LGR6: variants seen among roughly 807,000 people sequenced by gnomAD.
The protein encoded by LGR6 is leucine rich repeat containing G protein-coupled receptor 6.
LGR6 carries 45 observed loss-of-function variants against 69.4 expected under a neutral mutation model. The observed-to-expected ratio is 0.65, with a 90% CI of 0.51 to 0.83. The LOEUF (loss-of-function observed/expected upper bound fraction) is 0.83, where lower values mean the gene tolerates loss of function less well. Ranked by LOEUF, LGR6 falls within the 40% of genes least tolerant of loss-of-function variation. LGR6 has a pLI of 0.00. For synonymous variants in LGR6, 538 were observed against 555.0 expected, an observed-to-expected ratio of 0.97 and a Z score of 0.43; for missense variants, 1,108 against 1,246.7, an observed-to-expected ratio of 0.89 and a Z score of 1.68.
chr1:202,195,226 G>A (rs1658594800), intron 1 of LGR6, among the ~76,000 whole-genome samples: 1 of 152,212 alleles, frequency 6.6e-6, no homozygotes, highest in African/African-American at 2.4e-5. Context: ...CTTCTGGCCT[G>A]AGAGAGGCTC....
intron 4 of LGR6, 72 bp from the exon 5 acceptor site, chr1:202,276,234 G>C (rs1665539816): frequency 7.6e-7 from 1 of 1,309,908 alleles, no homozygotes; most frequent in Non-Finnish European, 1.1e-6. Context: ...GGCCTGGCTG[G>C]CCCAGTCTAG....
Position 202,318,485 on chromosome 1 carries a change from G to A in LGR6, c.2182G>A (p.Ala728Thr). The change falls in exon 18 of 18, where the codon GCA becomes ACA. Residue 728 changes from alanine (A) to threonine (T), a missense_variant. By Grantham distance (58) the Ala-to-Thr change is moderately conservative (BLOSUM62 0). Coordinates refer to ENST00000367278, the MANE Select transcript of LGR6 (RefSeq NM_001017403.2). The part of the protein sequence containing the change: ...LPYAPPEGQP[A>T]ALGFTVALVM... ...CTACGCGCCACCTGAGGGTCAGCCA[G>A]CAGCCCTGGGCTTCACCGTGGCCCT... 1.2e-6 allele frequency: 2 copies of A among 1,613,804 alleles called. No individual in the cohort carries two copies. The highest frequency in any genetic ancestry group is 2.2e-5 in the East Asian group (1 of 44,876).
chr1:202,314,477 A>G (rs1187525860), intron 16 of LGR6, among the ~76,000 whole-genome samples: 2 of 152,250 alleles, frequency 1.3e-5, no homozygotes, highest in Non-Finnish European at 2.9e-5. Context: ...AGCATACATT[A>G]TTGAAACAGC....
rs1170172103 is a variant in LGR6, at chr1:202,227,905, A to G, written c.285-31A>G. ...TCACCACCTCCTTGGGTTACCTGCC[A>G]ACATCGCTGACCCTTGTCTCTGATT... On this transcript the variant is annotated intron_variant, in intron 2 of 17. Coordinates refer to ENST00000367278, the MANE Select transcript of LGR6 (RefSeq NM_001017403.2). 2.6e-6 allele frequency: 4 copies of G among 1,564,024 alleles called. No homozygotes were observed. In the South Asian group the frequency reaches 3.3e-5, roughly 13 times the overall value.
intron 4 of LGR6, among the ~76,000 whole-genome samples, chr1:202,242,153 T>G (rs757654175): frequency 6.6e-6 from 1 of 152,154 alleles, no homozygotes; most frequent in Admixed American, 6.6e-5. Context: ...TTCATATATC[T>G]CATTTAATCC....
intron 10 of LGR6, 130 bp downstream of exon 10, chr1:202,303,477 G>T (rs1667756152): frequency 4.2e-6 from 3 of 710,202 alleles, no homozygotes; most frequent in Non-Finnish European, 4.9e-6. Flanking sequence ...TCTACTACTG[G>T]CTCCATCCCC....
intron 6 of LGR6, among the ~76,000 whole-genome samples, chr1:202,289,797 G>A (rs1352273969): frequency 2.0e-5 from 3 of 152,214 alleles, no homozygotes; most frequent in Non-Finnish European, 2.9e-5. Context: ...CATTGTGCTA[G>A]CTTGCCTTTG....
chr1:202,284,847 C>A (rs187049543), intron 6 of LGR6, among the ~76,000 whole-genome samples: 1 of 152,204 alleles, frequency 6.6e-6, no homozygotes, highest in African/African-American at 2.4e-5. Flanking sequence ...GGATGGACCC[C>A]GGGGACAATA....
At chr1:202,234,682 T>C (rs1661376606) in intron 3 of LGR6, among the ~76,000 whole-genome samples, 1 of 152,188 alleles carries the variant, frequency 6.6e-6, no homozygotes, top group Non-Finnish European at 1.5e-5. Context: ...CCCTATCTGT[T>C]GGAGTTGTAA....
At chr1:202,204,067 C>T (rs1421092604) in intron 1 of LGR6, among the ~76,000 whole-genome samples, 4 of 152,052 alleles carry the variant, frequency 2.6e-5, no homozygotes, top group African/African-American at 9.7e-5. Context: ...TCCTTGTGGA[C>T]AGGAGCTGTG....
chr1:202,256,178 T>C (rs1448930039), intron 4 of LGR6, among the ~76,000 whole-genome samples: 1 of 152,232 alleles, frequency 6.6e-6, no homozygotes, highest in Non-Finnish European at 1.5e-5. Context: ...CTTAGCATAA[T>C]GTTTTCAAGG....
chr1:202,261,948 A>C (rs1282206676), intron 4 of LGR6, among the ~76,000 whole-genome samples: 2 of 151,882 alleles, frequency 1.3e-5, no homozygotes, highest in African/African-American at 2.4e-5. Flanking sequence ...TTTTTCTTGT[A>C]AATTTGTTTG....
In LGR6 at chr1:202,319,368, A is replaced by G; in HGVS notation, c.*161A>G. ...CACTGATCACCTCTCTCCTGTGACC[A>G]TCACCAACGGGTGCCTCTTGGCCTG... On this transcript the variant is annotated 3_prime_UTR_variant, in exon 18 of 18. Coordinates refer to ENST00000367278, the MANE Select transcript of LGR6 (RefSeq NM_001017403.2). The G allele has an allele frequency of 1.4e-6, 1 of 718,290 alleles. No individual in the cohort carries two copies. The highest frequency in any genetic ancestry group is 2.6e-5 in the South Asian group (1 of 38,874). 44.5% of individuals were successfully genotyped at this position (718,290 alleles called of 1,614,324 possible).
At position 202,301,122 on chromosome 1, in the gene LGR6, G is replaced by C. The variant is rs6704350; in HGVS notation, c.858-42G>C. ...GATTGGCCTTAATCCCAGCAGAAAGGCCTGAAAAACCCAATTAGGTGTTTG... is the reference window on the plus strand; with the variant it reads ...GATTGGCCTTAATCCCAGCAGAAAGCCCTGAAAAACCCAATTAGGTGTTTG... On this transcript the variant is annotated intron_variant, in intron 8 of 17. Coordinates refer to ENST00000367278, the MANE Select transcript of LGR6 (RefSeq NM_001017403.2). 355 of 1,572,458 alleles carry C rather than the reference G, an allele frequency of 2.3e-4. 1 individual carries two copies. The African/African-American group carries it at 4.5e-3, about 20-fold the overall frequency.
chr1:202,310,478 G>A lies in LGR6; in HGVS notation c.1567+121G>A, dbSNP rs78959145. On this transcript the variant is annotated intron_variant, in intron 16 of 17. Transcript: ENST00000367278. ...AGCTGCAGAGGGAAGCCCTACAGAG[G>A]TGGGAGGAGCTGCCTGTGACCTGGG... 3,381 of 956,584 alleles carry A rather than the reference G, an allele frequency of 3.5e-3. 86 individuals are homozygous for A. The African/African-American group carries it at 0.049, about 14-fold the overall frequency. 59.3% of individuals were successfully genotyped at this position (956,584 alleles called of 1,614,324 possible).
At chr1:202,222,643 C>T (rs76721756) in intron 1 of LGR6, among the ~76,000 whole-genome samples, 5,382 of 152,204 alleles carry the variant, frequency 0.035, 333 homozygotes, top group African/African-American at 0.12. Context: ...GGGTGGGACA[C>T]CAGGGGGAGG....
At chr1:202,235,250 C>T (rs2147994538) in intron 3 of LGR6, among the ~76,000 whole-genome samples, 1 of 152,308 alleles carries the variant, frequency 6.6e-6, no homozygotes, top group South Asian at 2.1e-4. Context: ...TCCAGGACTC[C>T]TGCCTATGGA....
Position 202,205,859 on chromosome 1 carries a change from TCCTTCAAACACACACCC to T in LGR6, c.212+11659_212+11675del, listed in dbSNP as rs1187193215. Reference sequence around the variant, plus strand: ...CACACACCTCCTTCAAACACACACCTCCTTCAAACACACACCCGTCCTTCAAACACACACACACCTAA... The same window carrying T: ...CACACACCTCCTTCAAACACACACCTGTCCTTCAAACACACACACACCTAA... On this transcript the variant is annotated intron_variant, in intron 1 of 17. Transcript: ENST00000367278. Among the ~76,000 whole-genome samples the T allele has an allele frequency of 4.8e-5, 5 of 103,420 alleles. No individual in the cohort carries two copies. The East Asian group carries it at 1.4e-3, about 29-fold the overall frequency. The allele number at this position is 103,420 out of a possible 152,430, so 67.8% of individuals were successfully genotyped here.
intron 4 of LGR6, among the ~76,000 whole-genome samples, chr1:202,245,158 T>G (rs1662545752): frequency 6.6e-6 from 1 of 152,030 alleles, no homozygotes; most frequent in Non-Finnish European, 1.5e-5. Context: ...AGCCGAGGGG[T>G]CCCCAGGGAC....
Sources: gnomAD v4.1 joint callset for allele counts (sites outside exome capture counted in the v4.1 genomes callset) on GRCh38, gnomAD v4.1.1 for gene constraint, MANE v1.5 for transcripts, NCBI Gene and HGNC (gene_info 2026-07-23, HGNC 2026-07-21) for gene names.